SVEP1: variants seen among roughly 807,000 people sequenced by gnomAD.
SVEP1 encodes the protein sushi, von Willebrand factor type A, EGF and pentraxin domain-containing protein 1.
A neutral mutation model predicts 367.3 loss-of-function variants in SVEP1; 164 were observed. The ratio of observed to expected loss-of-function variants is 0.45; its 90% CI spans 0.39 to 0.51. SVEP1 has a LOEUF of 0.51. SVEP1 is among the 20% of genes least tolerant of loss of function. The probability of loss-of-function intolerance (pLI) is 0.00; values close to 1 mark genes in which losing one functional copy is unlikely to be tolerated. For missense variants in SVEP1, 4,117 were observed against 4,425.3 expected, an observed-to-expected ratio of 0.93 and a Z score of 1.98; for synonymous variants, 1,666 against 1,611.6, an observed-to-expected ratio of 1.03 and a Z score of -0.81.
chr9:110,392,458 T>C (rs967117853), intron 40 of SVEP1, among the ~76,000 whole-genome samples: 1 of 152,144 alleles, frequency 6.6e-6, no homozygotes, highest in African/African-American at 2.4e-5. Context: ...TTTTCATAGA[T>C]GGGGTTGTTC....
At chr9:110,479,593 C>T in intron 13 of SVEP1, 42 bp downstream of exon 13, 1 of 1,557,750 alleles carries the variant, frequency 6.4e-7, no homozygotes, top group South Asian at 1.2e-5. Flanking sequence ...GTTATGAAAG[C>T]CTTATAAAAG....
chr9:110,378,288 T>C (rs1827383257), intron 44 of SVEP1, among the ~76,000 whole-genome samples: 1 of 152,172 alleles, frequency 6.6e-6, no homozygotes, highest in Non-Finnish European at 1.5e-5. Context: ...AGGCTCTACA[T>C]TCTCTTACAT....
At chr9:110,437,824 C>G (rs1164264261) in intron 27 of SVEP1, among the ~76,000 whole-genome samples, 1 of 152,172 alleles carries the variant, frequency 6.6e-6, no homozygotes, top group African/African-American at 2.4e-5. Flanking sequence ...AAGTCAACTA[C>G]TCTTTCAATT....
At chr9:110,548,141 T>C (rs1488442939) in intron 2 of SVEP1, among the ~76,000 whole-genome samples, 1 of 152,142 alleles carries the variant, frequency 6.6e-6, no homozygotes, top group Non-Finnish European at 1.5e-5. Context: ...AACATATCAC[T>C]TTCCTTGGAG....
intron 1 of SVEP1, among the ~76,000 whole-genome samples, chr9:110,565,390 AAGGG>A (rs2118875496): frequency 6.6e-6 from 1 of 152,298 alleles, no homozygotes; most frequent in Admixed American, 6.5e-5. Context: ...TATTTCAATA[AAGGG>A]TGTGAGGTGG....
chr9:110,548,836 T>G (rs1830250011), intron 2 of SVEP1, among the ~76,000 whole-genome samples: 2 of 152,148 alleles, frequency 1.3e-5, no homozygotes, highest in Non-Finnish European at 2.9e-5. Context: ...GATAAATCTT[T>G]TTTGCTTTAT....
intron 43 of SVEP1, among the ~76,000 whole-genome samples, chr9:110,385,229 C>T (rs571792065): frequency 2.0e-4 from 31 of 152,354 alleles, no homozygotes; most frequent in Non-Finnish European, 2.8e-4. Flanking sequence ...GATCCACCCA[C>T]CTCAGCCTCC....
chr9:110,388,321 G>A (rs1279669381), intron 41 of SVEP1, among the ~76,000 whole-genome samples: 2 of 152,124 alleles, frequency 1.3e-5, no homozygotes, highest in African/African-American at 4.8e-5. Context: ...ATGCTATGAG[G>A]AAAATAGGAT....
intron 1 of SVEP1, among the ~76,000 whole-genome samples, chr9:110,557,548 C>T (rs1830370767): frequency 7.2e-6 from 1 of 139,312 alleles, no homozygotes; most frequent in African/African-American, 2.6e-5. Flanking sequence ...AATTCTTATA[C>T]TTTATATCTT....
At chr9:110,430,229 T>C in intron 33 of SVEP1, 45 bp downstream of exon 33, 1 of 1,566,136 alleles carries the variant, frequency 6.4e-7, no homozygotes, top group Non-Finnish European at 8.7e-7. Context: ...CTTACCTTTC[T>C]AGGATTGCCA....
At position 110,436,440 on chromosome 9, in the gene SVEP1, C is replaced by G; in HGVS notation, c.4704G>C (p.Glu1568Asp). Residue 1568 changes from glutamate to aspartate, a missense_variant, in exon 28 of 48, where the codon GAG (glutamate) becomes GAC (aspartate). Coordinates refer to ENST00000374469, the MANE Select transcript of SVEP1 (RefSeq NM_153366.4). ...DKKGEGFSPA[E>D]SFVGSISQLN... ...GCTGGCTTATGGAGCCCACAAAAGA[C>G]TCAGCTGGGCTGAATCCCTCTCCTT... 2 of 1,613,970 alleles carry G rather than the reference C, an allele frequency of 1.2e-6. No individual in the cohort carries two copies. The highest frequency in any genetic ancestry group is 1.7e-6 in the Non-Finnish European group (2 of 1,179,876).
At chr9:110,386,425 G>A (rs573554374) in intron 42 of SVEP1, among the ~76,000 whole-genome samples, 5 of 152,148 alleles carry the variant, frequency 3.3e-5, no homozygotes, top group African/African-American at 4.8e-5. Context: ...AAATCAAGGG[G>A]TATATCAAAT....
Position 110,390,334 on chromosome 9 carries a change from C to CTTATAT in SVEP1, c.9823-748_9823-747insATATAA, listed in dbSNP as rs1564127558. ...GTATGTGTATATATACTTATATATA[C>CTTATAT]ACATACTTATATACACTTATATATA... is the stretch of plus-strand genomic sequence containing the variant. On this transcript the variant is annotated intron_variant, in intron 40 of 47. Transcript: ENST00000374469. Among the ~76,000 whole-genome samples the CTTATAT allele has an allele frequency of 1.5e-4, 4 of 27,534 alleles. No homozygotes were observed. The South Asian group carries it at 4.7e-3, about 32-fold the overall frequency. 18.1% of individuals were successfully genotyped at this position (27,534 alleles called of 152,430 possible).
intron 3 of SVEP1, among the ~76,000 whole-genome samples, chr9:110,530,739 G>A (rs573527957): frequency 3.5e-4 from 53 of 151,972 alleles, no homozygotes; most frequent in African/African-American, 1.2e-3. Flanking sequence ...GTCTCACCAT[G>A]TTGCCCAGGC....
intron 46 of SVEP1, among the ~76,000 whole-genome samples, chr9:110,370,360 C>G (rs10980348): frequency 3.3e-5 from 5 of 151,968 alleles, no homozygotes; most frequent in Admixed American, 1.3e-4. Flanking sequence ...ATGTTTTGAA[C>G]TATAAATTTT....
chr9:110,415,196 A>G (rs1274387112), intron 36 of SVEP1, among the ~76,000 whole-genome samples: 1 of 152,090 alleles, frequency 6.6e-6, no homozygotes, highest in Non-Finnish European at 1.5e-5. Flanking sequence ...TTTCCCTGGC[A>G]TTCATTATAT....
At chr9:110,405,428 A>G (rs1442446986) in intron 38 of SVEP1, among the ~76,000 whole-genome samples, 1 of 151,724 alleles carries the variant, frequency 6.6e-6, no homozygotes, top group Non-Finnish European at 1.5e-5. Flanking sequence ...ATTCATTTGT[A>G]TTATGAATAC....
At chr9:110,572,975 A>G (rs939509342) in intron 1 of SVEP1, among the ~76,000 whole-genome samples, 2 of 152,068 alleles carry the variant, frequency 1.3e-5, no homozygotes, top group Non-Finnish European at 2.9e-5. Flanking sequence ...ATTCCTATAT[A>G]ATACTAGGGA....
At chr9:110,370,857 T>C (rs558757604) in intron 46 of SVEP1, among the ~76,000 whole-genome samples, 3 of 152,218 alleles carry the variant, frequency 2.0e-5, no homozygotes, top group Non-Finnish European at 4.4e-5. Flanking sequence ...GTAAGAACCA[T>C]TCCAATATCT....
Sources: gnomAD v4.1 joint callset for allele counts (sites outside exome capture counted in the v4.1 genomes callset) on GRCh38, gnomAD v4.1.1 for gene constraint, MANE v1.5 for transcripts, NCBI Gene and HGNC (gene_info 2026-07-23, HGNC 2026-07-21) for gene names.